EPB41: variants seen among roughly 807,000 people sequenced by gnomAD.
The protein encoded by EPB41 is erythrocyte membrane protein band 4.1, also known as protein 4.1.
In EPB41, 65 loss-of-function variants were observed where a neutral mutation model predicts 108.0. That is an observed-to-expected ratio of 0.60 (90% CI 0.49 to 0.74). The LOEUF is 0.74. Among genes scored for constraint, EPB41 ranks in the 30% least tolerant of loss-of-function variants. The probability of loss-of-function intolerance (pLI) is 0.00; values close to 1 mark genes in which losing one functional copy is unlikely to be tolerated. For missense variants in EPB41, 875 were observed against 1,037.0 expected (o/e 0.84, Z 2.15); for synonymous variants, 336 against 358.9 (o/e 0.94, Z 0.72).
chr1:28,939,095 T>C (rs2094171388), intron 1 of EPB41, among the ~76,000 whole-genome samples: 1 of 152,260 alleles, frequency 6.6e-6, no homozygotes, highest in African/African-American at 2.4e-5. Context: ...CCTTGCTCTG[T>C]ATGTTGTTAC....
intron 20 of EPB41, 37 bp from the exon 21 acceptor site, chr1:29,116,782 T>G (rs951435180): frequency 6.6e-6 from 1 of 152,266 alleles, no homozygotes; most frequent in Non-Finnish European, 1.5e-5. Context: ...CTTTTTCCTT[T>G]GCAGGATTTT....
intron 12 of EPB41, among the ~76,000 whole-genome samples, chr1:29,056,106 C>T (rs1455478549): frequency 6.6e-6 from 1 of 151,482 alleles, no homozygotes; most frequent in Non-Finnish European, 1.5e-5. Flanking sequence ...TGGTGGCAGG[C>T]GCGTGTAGTC....
intron 1 of EPB41, among the ~76,000 whole-genome samples, chr1:28,902,505 C>A (rs1435087707): frequency 2.6e-5 from 4 of 152,160 alleles, no homozygotes; most frequent in Admixed American, 1.3e-4. Flanking sequence ...GGAACTTTCC[C>A]CTTCCCAGCT....
chr1:28,894,852 G>A (rs1243778341), intron 1 of EPB41, among the ~76,000 whole-genome samples: 2 of 152,316 alleles, frequency 1.3e-5, no homozygotes, highest in South Asian at 2.1e-4. Flanking sequence ...GGGATTCTGG[G>A]AGGGGACTAT....
At chr1:28,905,934 C>T (rs2091788210) in intron 1 of EPB41, among the ~76,000 whole-genome samples, 1 of 151,580 alleles carries the variant, frequency 6.6e-6, no homozygotes, top group South Asian at 2.1e-4. Context: ...TCTCCTGCCT[C>T]AGCCTCCAGA....
chr1:29,055,269 T>C (rs926675806), intron 12 of EPB41, among the ~76,000 whole-genome samples: 10 of 152,320 alleles, frequency 6.6e-5, no homozygotes, highest in African/African-American at 2.4e-4. Flanking sequence ...CCAGGCACTT[T>C]TGACTATCCC....
At chr1:29,094,278 TC>T (rs1278588542) in intron 16 of EPB41, among the ~76,000 whole-genome samples, 1 of 151,962 alleles carries the variant, frequency 6.6e-6, no homozygotes, top group Non-Finnish European at 1.5e-5. Flanking sequence ...TTATTTTTTT[TC>T]TTTTTTTTCT....
intron 1 of EPB41, among the ~76,000 whole-genome samples, chr1:28,905,328 C>T (rs1200452369): frequency 6.6e-6 from 1 of 151,608 alleles, no homozygotes; most frequent in African/African-American, 2.4e-5. Flanking sequence ...AAAAACCCCT[C>T]TCTACTAAAA....
chr1:29,108,859 A>G lies in EPB41; in HGVS notation c.2314-477A>G, dbSNP rs368087333. 4.7e-5 allele frequency among the ~76,000 whole-genome samples: 7 copies of G among 148,312 alleles called. No individual in the cohort carries two copies. The East Asian group carries it at 8.0e-4, about 17-fold the overall frequency. ...GGCATGAGCCACCGAGCATGGCCCA[A>G]TTTATTTTATTTGTTAAGAGGTTAC... On this transcript the variant is annotated intron_variant, in intron 17 of 20. Coordinates refer to ENST00000343067, the MANE Select transcript of EPB41 (RefSeq NM_001376013.1).
intron 16 of EPB41, among the ~76,000 whole-genome samples, chr1:29,067,390 G>A (rs2151044624): frequency 6.6e-6 from 1 of 151,722 alleles, no homozygotes; most frequent in East Asian, 2.0e-4. Context: ...CAGCTACTTG[G>A]GAGGCTGAGG....
chr1:28,915,705 TCTTTTTC>T (rs1187999118), intron 1 of EPB41, among the ~76,000 whole-genome samples: 3 of 151,168 alleles, frequency 2.0e-5, no homozygotes, highest in African/African-American at 7.3e-5. Context: ...GATAGTTTTT[TCTTTTTC>T]CTTTTTTTTT....
intron 1 of EPB41, among the ~76,000 whole-genome samples, chr1:28,961,197 A>G (rs1252133842): frequency 6.6e-6 from 1 of 152,170 alleles, no homozygotes; most frequent in Non-Finnish European, 1.5e-5. Context: ...TGTTAGAATT[A>G]GGCAAAAAAC....
intron 7 of EPB41, among the ~76,000 whole-genome samples, chr1:29,022,018 T>G (rs1254774001): frequency 6.6e-6 from 1 of 152,238 alleles, no homozygotes; most frequent in Non-Finnish European, 1.5e-5. Flanking sequence ...CAGTATTTGT[T>G]GCTAATGACA....
rs956502347 is a variant in EPB41 at position 29,053,581 on chromosome 1, A to T, written c.1845+269A>T. The T allele has an allele frequency of 1.8e-5, 6 of 329,870 alleles. No homozygotes were observed. In the East Asian group the frequency reaches 4.4e-4, roughly 24 times the overall value. The allele number at this position is 329,870 out of a possible 1,614,324, so 20.4% of individuals were successfully genotyped here. ...TTATTTATTTATTTATTTTTTTGAG[A>T]TGGAGTCTCGCTCTGTCACCCAGGC... is the stretch of plus-strand genomic sequence containing the variant. On this transcript the variant is annotated intron_variant, in intron 12 of 20. Coordinates refer to ENST00000343067, the MANE Select transcript of EPB41 (RefSeq NM_001376013.1).
chr1:29,109,598 T>C, intron 18 of EPB41, 161 bp downstream of exon 18: 3 of 687,852 alleles, frequency 4.4e-6, no homozygotes, highest in Non-Finnish European at 7.9e-6. Context: ...CCCTGCTGCC[T>C]TCCCCAGCAA....
chr1:28,941,269 A>G (rs1398638114), intron 1 of EPB41, among the ~76,000 whole-genome samples: 2 of 151,850 alleles, frequency 1.3e-5, no homozygotes, highest in African/African-American at 2.4e-5. Context: ...AGTCCCAGCT[A>G]CTCGGGAGAC....
intron 1 of EPB41, among the ~76,000 whole-genome samples, chr1:28,928,988 T>A (rs946566101): frequency 6.6e-6 from 1 of 152,204 alleles, no homozygotes; most frequent in Non-Finnish European, 1.5e-5. Context: ...ACATTCTCCC[T>A]ACTTCTCAGT....
intron 11 of EPB41, among the ~76,000 whole-genome samples, chr1:29,040,938 T>C (rs1464461678): frequency 6.6e-6 from 1 of 151,504 alleles, no homozygotes; most frequent in Admixed American, 6.6e-5. Context: ...AAGTTCGAGA[T>C]CAGCCTGGCT....
At chr1:28,934,925 A>T (rs914016845) in intron 1 of EPB41, among the ~76,000 whole-genome samples, 1 of 151,706 alleles carries the variant, frequency 6.6e-6, no homozygotes, top group African/African-American at 2.4e-5. Flanking sequence ...TGAGTCATGG[A>T]CAACATAGTG....
Sources: gnomAD v4.1 joint callset for allele counts (sites outside exome capture counted in the v4.1 genomes callset) on GRCh38, gnomAD v4.1.1 for gene constraint, MANE v1.5 for transcripts, NCBI Gene and HGNC (gene_info 2026-07-23, HGNC 2026-07-21) for gene names.